The following CEP97 variants were observed in gnomAD, a reference collection of about 807,000 sequenced individuals.
CEP97 encodes centrosomal protein of 97 kDa.
Under a neutral mutation model 73.1 loss-of-function variants are expected in CEP97, and 43 were observed. The observed-to-expected ratio is 0.59, with a 90% CI of 0.46 to 0.76. The LOEUF is 0.76. Ranked by LOEUF, CEP97 falls within the 30% of genes least tolerant of loss-of-function variation. CEP97 has a pLI of 0.00. For missense variants in CEP97, 939 were observed against 1,014.0 expected (o/e 0.93, Z 1.00); for synonymous variants, 337 against 370.0 (o/e 0.91, Z 1.02).
At chr3:101,746,602 C>G (rs1177547670) in intron 6 of CEP97, among the ~76,000 whole-genome samples, 8 of 150,918 alleles carry the variant, frequency 5.3e-5, no homozygotes, top group Non-Finnish European at 1.0e-4. Context: ...CATTACCATT[C>G]AGGACATAGG....
At chr3:101,752,659 GA>G (rs1376783867) in intron 6 of CEP97, among the ~76,000 whole-genome samples, 3 of 151,944 alleles carry the variant, frequency 2.0e-5, no homozygotes, top group Non-Finnish European at 2.9e-5. Context: ...TTCCATCACT[GA>G]TACCCTTTCT....
At chr3:101,753,691 G>A (rs1449108170) in intron 6 of CEP97, among the ~76,000 whole-genome samples, 2 of 152,216 alleles carry the variant, frequency 1.3e-5, no homozygotes, top group South Asian at 2.1e-4. Context: ...CTCCGTGGGC[G>A]TAGGACCCTC....
chr3:101,750,689 T>A (rs1054273316), intron 6 of CEP97, among the ~76,000 whole-genome samples: 3 of 152,318 alleles, frequency 2.0e-5, no homozygotes, highest in Non-Finnish European at 4.4e-5. Flanking sequence ...GATTTTCTAG[T>A]TTATTTGCGT....
In CEP97 at chr3:101,766,638, GAT is replaced by G. The variant is rs3039557; in HGVS notation, c.*1106_*1107del. 711 of 147,224 alleles carry G rather than the reference GAT, an allele frequency of 4.8e-3. No individual in the cohort carries two copies. Among genetic ancestry groups the G allele is most frequent in the African/African-American group, 9.1e-3 (367 of 40,376 alleles). 9.1% of individuals were successfully genotyped at this position (147,224 alleles called of 1,614,324 possible). ...AAACCTCACTTTACTTGTTAAAAGGGATATATATATATATATATATGTCTGCA... is the reference window on the plus strand; with the variant it reads ...AAACCTCACTTTACTTGTTAAAAGGGATATATATATATATATATGTCTGCA... On this transcript the variant is annotated 3_prime_UTR_variant, in exon 11 of 11. Transcript: ENST00000341893.
chr3:101,742,414 A>T (rs1938486307), intron 6 of CEP97, among the ~76,000 whole-genome samples: 1 of 152,254 alleles, frequency 6.6e-6, no homozygotes, highest in South Asian at 2.1e-4. Context: ...AGCCATAAAA[A>T]TGGATCAGTT....
At chr3:101,733,740 C>A (rs1413185762) in intron 6 of CEP97, among the ~76,000 whole-genome samples, 2 of 151,972 alleles carry the variant, frequency 1.3e-5, no homozygotes, top group Non-Finnish European at 2.9e-5. Context: ...CCGTTTTAGC[C>A]GGTATGGTCT....
At position 101,770,141 on chromosome 3, in the gene CEP97, C is replaced by T. The variant is rs951499310; in HGVS notation, c.*4590C>T. 6.6e-6 allele frequency: 1 copy of T among 152,258 alleles called. No homozygotes were observed. The highest frequency in any genetic ancestry group is 1.5e-5 in the Non-Finnish European group (1 of 68,132). The allele number at this position is 152,258 out of a possible 1,614,324, so 9.4% of individuals were successfully genotyped here. A position where few individuals can be genotyped will look rare whatever the true frequency, so the allele number is the denominator to read the frequency against. On this transcript the variant is annotated 3_prime_UTR_variant, in exon 11 of 11. Transcript: ENST00000341893. ...CTGGGTTCAAGTGATTCTCCTGCCT[C>T]ATCCTCCCGAGTAGCTAAGACTACA... is the stretch of plus-strand genomic sequence containing the variant.
chr3:101,732,734 T>G (rs1005181595), intron 6 of CEP97, 80 bp downstream of exon 6: 2 of 1,247,016 alleles, frequency 1.6e-6, no homozygotes, highest in African/African-American at 3.0e-5. Context: ...GAGTATTTCT[T>G]AAAATGTGCA....
intron 3 of CEP97, 62 bp from the exon 4 acceptor site, chr3:101,728,774 G>T: frequency 1.9e-6 from 2 of 1,034,228 alleles, no homozygotes; most frequent in South Asian, 2.6e-5. Context: ...CAAAGAACTA[G>T]GGAATAATTT....
rs1939364790 is a variant in CEP97, at chr3:101,768,163, AAG to A, written c.*2615_*2616del. The A allele has an allele frequency of 6.6e-6, 1 of 152,258 alleles. No homozygotes were observed. Among genetic ancestry groups the A allele is most frequent in the South Asian group, 2.1e-4 (1 of 4,838 alleles). The allele number at this position is 152,258 out of a possible 1,614,324, so 9.4% of individuals were successfully genotyped here. A position where few individuals can be genotyped will look rare whatever the true frequency, so the allele number is the denominator to read the frequency against. ...GCAGAAGCACAGAATCATACCATGT[AAG>A]AGTTGGAAGGAAGCTTAAGAGATTT... On this transcript the variant is annotated 3_prime_UTR_variant, in exon 11 of 11. Coordinates refer to ENST00000341893, the MANE Select transcript of CEP97 (RefSeq NM_024548.4).
At chr3:101,739,607 A>G (rs1433328366) in intron 6 of CEP97, among the ~76,000 whole-genome samples, 1 of 152,076 alleles carries the variant, frequency 6.6e-6, no homozygotes, top group East Asian at 1.9e-4. Flanking sequence ...AAAGGCCTTC[A>G]ATAAAATTCA....
chr3:101,748,581 C>T (rs1185280038), intron 6 of CEP97, among the ~76,000 whole-genome samples: 1 of 152,126 alleles, frequency 6.6e-6, no homozygotes, highest in Non-Finnish European at 1.5e-5. Flanking sequence ...AGACTTAGAG[C>T]AGATTTCATG....
At position 101,766,556 on chromosome 3, in the gene CEP97, T is replaced by C. The variant is rs1939322269; in HGVS notation, c.*1005T>C. On this transcript the variant is annotated 3_prime_UTR_variant, in exon 11 of 11. Coordinates refer to ENST00000341893, the MANE Select transcript of CEP97 (RefSeq NM_024548.4). ...ATGACTTTTTAGGAACTACTTTTTGTCTAACCTGAAAAAGTTCCACATTTG... is the reference window on the plus strand; with the variant it reads ...ATGACTTTTTAGGAACTACTTTTTGCCTAACCTGAAAAAGTTCCACATTTG... 6.6e-6 allele frequency: 1 copy of C among 152,572 alleles called. No homozygotes were observed. Among genetic ancestry groups the C allele is most frequent in the Non-Finnish European group, 1.5e-5 (1 of 68,036 alleles). 9.5% of individuals were successfully genotyped at this position (152,572 alleles called of 1,614,324 possible).
intron 6 of CEP97, among the ~76,000 whole-genome samples, chr3:101,751,256 G>A (rs989410592): frequency 6.6e-6 from 1 of 152,190 alleles, no homozygotes; most frequent in African/African-American, 2.4e-5. Flanking sequence ...GTTCTAGTTT[G>A]ATTGCACTGT....
Position 101,765,780 on chromosome 3 carries a change from G to A in CEP97, c.*229G>A, listed in dbSNP as rs576817998. On this transcript the variant is annotated 3_prime_UTR_variant, in exon 11 of 11. Coordinates refer to ENST00000341893, the MANE Select transcript of CEP97 (RefSeq NM_024548.4). ...AGGTACCAAACTATTTATATTGAAA[G>A]CTATATGCACTTTATTTCTTAACTG... The A allele has an allele frequency of 2.7e-5, 12 of 444,782 alleles. No homozygotes were observed. The highest frequency in any genetic ancestry group is 2.4e-4 in the African/African-American group (12 of 49,938). The allele number at this position is 444,782 out of a possible 1,614,324, so 27.6% of individuals were successfully genotyped here.
In CEP97 at chr3:101,765,203, T is replaced by C. The variant is rs1408552446; in HGVS notation, c.2250T>C (p.Asp750=). 2 of 1,614,212 alleles carry C rather than the reference T, an allele frequency of 1.2e-6. No individual in the cohort carries two copies. The highest frequency in any genetic ancestry group is 1.7e-6 in the Non-Finnish European group (2 of 1,180,028). The change falls in exon 11 of 11, where the codon GAT becomes GAC. Residue 750 remains aspartate (D), a synonymous_variant. Coordinates refer to ENST00000341893, the MANE Select transcript of CEP97 (RefSeq NM_024548.4). ...VRYGKESDLG[D]VSEEHGEWNK... is the part of the protein sequence containing the mutation. ...ATGGCAAAGAATCAGATTTAGGGGA[T>C]GTTAGTGAAGAACATGGTGAATGGA...
At chr3:101,761,206 AG>A (rs1242093221) in intron 9 of CEP97, among the ~76,000 whole-genome samples, 1 of 152,156 alleles carries the variant, frequency 6.6e-6, no homozygotes, top group Non-Finnish European at 1.5e-5. Flanking sequence ...AAGTGAAGGC[AG>A]GGGGGAAGGA....
chr3:101,758,028 G>A lies in CEP97; in HGVS notation c.1422G>A (p.Glu474=). 6.2e-7 allele frequency: 1 copy of A among 1,614,188 alleles called. No homozygotes were observed. ...VQMMRSEINT[E]VNEKAGLLPC... ...TGATGAGAAGTGAAATCAATACAGA[G>A]GTAAATGAGAAAGCTGGACTATTAC... The change falls in exon 9 of 11, where the codon GAG becomes GAA. Residue 474 remains glutamate, a synonymous_variant. Coordinates refer to ENST00000341893, the MANE Select transcript of CEP97 (RefSeq NM_024548.4).
At chr3:101,737,786 C>T (rs550743012) in intron 6 of CEP97, among the ~76,000 whole-genome samples, 2 of 152,194 alleles carry the variant, frequency 1.3e-5, no homozygotes, top group South Asian at 2.1e-4. Flanking sequence ...CATCAACTAA[C>T]GAGTGAAATA....
Sources: gnomAD v4.1 joint callset for allele counts (sites outside exome capture counted in the v4.1 genomes callset) on GRCh38, gnomAD v4.1.1 for gene constraint, MANE v1.5 for transcripts, NCBI Gene and HGNC (gene_info 2026-07-23, HGNC 2026-07-21) for gene names.